TRNT1: variants seen among roughly 807,000 people sequenced by gnomAD.
TRNT1 encodes the protein tRNA nucleotidyl transferase 1.
Under a neutral mutation model 45.6 loss-of-function variants are expected in TRNT1, and 44 were observed. That is an observed-to-expected ratio of 0.97 (90% CI 0.76 to 1.24). The LOEUF is 1.24. Ranked by LOEUF, TRNT1 falls within the 50% of genes most tolerant of loss-of-function variation. The pLI is 0.00. For synonymous variants in TRNT1, 201 were observed against 171.4 expected, an observed-to-expected ratio of 1.17 and a Z score of -1.35; for missense variants, 633 against 504.4, an observed-to-expected ratio of 1.25 and a Z score of -2.44.
intron 4 of TRNT1, among the ~76,000 whole-genome samples, chr3:3,141,329 C>G (rs187171881): frequency 3.9e-5 from 6 of 152,152 alleles, no homozygotes; most frequent in Admixed American, 2.6e-4. Flanking sequence ...TGTACATACT[C>G]CACACACATC....
Position 3,146,470 on chromosome 3 carries a change from C to G in TRNT1, c.649C>G (p.Pro217Ala), listed in dbSNP as rs775586520. ...RIVDKPGDHDPETLEAIAENA... is the reference protein window; with the variant it reads ...RIVDKPGDHDAETLEAIAENA... ...TGTAGACAAACCTGGTGACCATGATCCTGAGACTTTGGAAGCAATTGCAGA... is the reference window on the plus strand; with the variant it reads ...TGTAGACAAACCTGGTGACCATGATGCTGAGACTTTGGAAGCAATTGCAGA... The change falls in exon 6 of 8, where the codon CCT becomes GCT. Residue 217 changes from proline (P) to alanine (A), a missense_variant. By Grantham distance (27) the Pro-to-Ala change is conservative. Coordinates refer to ENST00000251607, the MANE Select transcript of TRNT1 (RefSeq NM_182916.3). 3.1e-6 allele frequency: 5 copies of G among 1,613,696 alleles called. No individual in the cohort carries two copies. The South Asian group carries it at 5.5e-5, about 18-fold the overall frequency.
At chr3:3,153,029 A>G (rs183985032), downstream of TRNT1, 62 of 304,608 alleles carry the variant, frequency 2.0e-4, no homozygotes, top group African/African-American at 1.2e-3. Context: ...AAACACTGTT[A>G]TATCAGAGCA....
At chr3:3,129,440 AG>A (rs375528454) in intron 2 of TRNT1, 3 of 441,736 alleles carry the variant, frequency 6.8e-6, no homozygotes, top group Non-Finnish European at 1.2e-5. Flanking sequence ...CATTGTTGGA[AG>A]AAAGGCTTGG....
chr3:3,145,571 G>A (rs1441176799), intron 5 of TRNT1: 2 of 150,776 alleles, frequency 1.3e-5, no homozygotes, highest in South Asian at 2.1e-4. Flanking sequence ...GACTAGTTTT[G>A]TGGGTAGCAA....
At chr3:3,141,615 A>C (rs1705661965) in intron 4 of TRNT1, among the ~76,000 whole-genome samples, 1 of 152,348 alleles carries the variant, frequency 6.6e-6, no homozygotes. Context: ...GATACGAATT[A>C]GGTTAGTGTT....
At chr3:3,150,072 T>G (rs1296331545), downstream of TRNT1, 3 of 152,314 alleles carry the variant, frequency 2.0e-5, no homozygotes, top group East Asian at 5.8e-4. Context: ...TTGAACAAAA[T>G]AATACAGTAT....
Position 3,146,461 on chromosome 3 carries a change from G to T in TRNT1, c.640G>T (p.Asp214Tyr). The change falls in exon 6 of 8, where the codon GAC (aspartate) becomes TAC (tyrosine). Residue 214 changes from aspartate (D) to tyrosine (Y), a missense_variant. Transcript: ENST00000251607. ...TGGGAGAATTGTAGACAAACCTGGT[G>T]ACCATGATCCTGAGACTTTGGAAGC... Reference protein sequence around the residue: ...FYGRIVDKPGDHDPETLEAIA... With the variant: ...FYGRIVDKPGYHDPETLEAIA... 1 of 1,613,134 alleles carries T rather than the reference G, an allele frequency of 6.2e-7. No homozygotes were observed. The highest frequency in any genetic ancestry group is 1.1e-5 in the South Asian group (1 of 90,870).
rs1427498466 is a variant in TRNT1 at position 3,148,039 on chromosome 3, G to C, written c.1190G>C (p.Gly397Ala). 5.6e-6 allele frequency: 9 copies of C among 1,613,818 alleles called. No homozygotes were observed. The African/African-American group carries it at 6.7e-5, about 12-fold the overall frequency. The stretch of plus-strand genomic sequence containing the variant: ...AGTGGCCATGACATCAGAAAAGTGG[G>C]CATTTCTTCAGGAAAAGAAATTGGG... ...PVSGHDIRKV[G>A]ISSGKEIGAL... Residue 397 changes from glycine (G) to alanine (A), a missense_variant, in exon 8 of 8, where the codon GGC becomes GCC. Transcript: ENST00000251607.
chr3:3,129,874 T>C (rs1704892447), intron 2 of TRNT1: 1 of 1,550,610 alleles, frequency 6.4e-7, no homozygotes, highest in African/African-American at 1.4e-5. Context: ...CGCAGATTGA[T>C]TTCAGAGCCC....
intron 7 of TRNT1, 35 bp downstream of exon 7, chr3:3,147,738 G>C (rs201792639): frequency 1.3e-6 from 2 of 1,558,812 alleles, no homozygotes; most frequent in Middle Eastern, 1.7e-4. Flanking sequence ...GAAATATGAA[G>C]TATCGTCACG....
Position 3,129,773 on chromosome 3 carries a change from T to C in TRNT1, c.148+585T>C, listed in dbSNP as rs1704884284. ...TAATGAGTACGCACATTTTGACCTG[T>C]TACGTGAAAAAGGAAACAGATTGTT... On this transcript the variant is annotated intron_variant, in intron 2 of 7. Transcript: ENST00000251607. 3.4e-6 allele frequency: 4 copies of C among 1,182,640 alleles called. No individual in the cohort carries two copies. The South Asian group carries it at 5.3e-5, about 16-fold the overall frequency. The allele number at this position is 1,182,640 out of a possible 1,614,324, so 73.3% of individuals were successfully genotyped here.
At chr3:3,147,741 T>G (rs1232740814) in intron 7 of TRNT1, 38 bp downstream of exon 7, 1 of 1,556,202 alleles carries the variant, frequency 6.4e-7, no homozygotes, top group Non-Finnish European at 8.6e-7. Context: ...ATATGAAGTA[T>G]CGTCACGAAT....
intron 1 of TRNT1, chr3:3,127,814 A>G (rs1360892949): frequency 1.3e-5 from 2 of 152,156 alleles, no homozygotes; most frequent in South Asian, 2.1e-4. Context: ...TCACAGTACC[A>G]TGTGGCATGC....
At chr3:3,136,341 G>T (rs1705323713) in intron 2 of TRNT1, among the ~76,000 whole-genome samples, 1 of 152,122 alleles carries the variant, frequency 6.6e-6, no homozygotes, top group African/African-American at 2.4e-5. Context: ...AGTTATAGTG[G>T]ATTTTGCCTT....
At chr3:3,144,845 C>G in intron 5 of TRNT1, 135 bp downstream of exon 5, 1 of 773,642 alleles carries the variant, frequency 1.3e-6, no homozygotes, top group Non-Finnish European at 1.8e-6. Context: ...GGAGACCTAG[C>G]ACCCTATGAC....
chr3:3,143,929 A>T (rs1471955515), intron 4 of TRNT1, among the ~76,000 whole-genome samples: 1 of 152,236 alleles, frequency 6.6e-6, no homozygotes, highest in African/African-American at 2.4e-5. Context: ...TATTTCCTTT[A>T]TAGGTAGCCT....
At chr3:3,137,519 C>A in intron 3 of TRNT1, 66 bp downstream of exon 3, 1 of 1,388,266 alleles carries the variant, frequency 7.2e-7, no homozygotes, top group South Asian at 1.4e-5. Flanking sequence ...TTAATTTTCT[C>A]TAGTTAAAAG....
chr3:3,150,608 T>C, downstream of TRNT1: 1 of 392,184 alleles, frequency 2.5e-6, no homozygotes, highest in South Asian at 2.6e-5. Flanking sequence ...ACATATCAGA[T>C]TCCACAGGAT....
At position 3,129,187 on chromosome 3, in the gene TRNT1, A is replaced by G; in HGVS notation, c.147A>G (p.Thr49=). 4 of 1,614,020 alleles carry G rather than the reference A, an allele frequency of 2.5e-6. No individual in the cohort carries two copies. The highest frequency in any genetic ancestry group is 3.4e-6 in the Non-Finnish European group (4 of 1,179,928). The change falls in exon 2 of 8, where the codon ACA becomes ACG. Residue 49 remains threonine, a splice_region_variant and synonymous_variant. Transcript: ENST00000251607. ...SLFTEGLKSL[T]ELFVKENHEL... is the part of the protein sequence containing the mutation. ...TCACAGAAGGACTGAAGAGTCTGAC[A>G]GGTGAGAGATTAGGATACCTTTTCT...
Sources: gnomAD v4.1 joint callset for allele counts (sites outside exome capture counted in the v4.1 genomes callset) on GRCh38, gnomAD v4.1.1 for gene constraint, MANE v1.5 for transcripts, NCBI Gene and HGNC (gene_info 2026-07-23, HGNC 2026-07-21) for gene names.